CEP44: variants seen among roughly 807,000 people sequenced by gnomAD.
CEP44 encodes centrosomal protein 44, also known as centrosomal protein of 44 kDa.
In CEP44, 45 loss-of-function variants were observed where a neutral mutation model predicts 46.7. That is an observed-to-expected ratio of 0.96 (90% CI 0.76 to 1.24). The LOEUF (loss-of-function observed/expected upper bound fraction) is 1.24, where lower values mean the gene tolerates loss of function less well. CEP44 is among the 50% of genes most tolerant of loss of function. CEP44 has a pLI of 0.00. For synonymous variants in CEP44, 142 were observed against 146.0 expected (o/e 0.97, Z 0.20); for missense variants, 475 against 459.7 (o/e 1.03, Z -0.30).
At chr4:174,330,837 C>T (rs1316622067) in intron 8 of CEP44, among the ~76,000 whole-genome samples, 1 of 140,336 alleles carries the variant, frequency 7.1e-6, no homozygotes, top group Admixed American at 7.2e-5. Context: ...CAGGGGTTCT[C>T]AGAATTCATT....
At position 174,287,878 on chromosome 4, in the gene CEP44, G is replaced by A. The variant is rs1271479614; in HGVS notation, c.-148+3935G>A. 6.6e-6 allele frequency among the ~76,000 whole-genome samples: 1 copy of A among 152,200 alleles called. No homozygotes were observed. Among genetic ancestry groups the A allele is most frequent in the African/African-American group, 2.4e-5 (1 of 41,456 alleles). Reference sequence around the variant, plus strand: ...AGTAATACCAGGTATAGACAAGAATGTAGTATTTAAAGCTAATATCTGAAA... The same window carrying A: ...AGTAATACCAGGTATAGACAAGAATATAGTATTTAAAGCTAATATCTGAAA... On this transcript the variant is annotated intron_variant, in intron 1 of 11. Transcript: ENST00000503780. The surrounding 1 kb of genome is among the most constrained non-coding windows in gnomAD (Gnocchi z 5.1).
intron 9 of CEP44, 92 bp from the exon 10 acceptor site, chr4:174,316,074 A>T (rs1484682634): frequency 2.1e-6 from 3 of 1,444,738 alleles, no homozygotes; most frequent in African/African-American, 1.4e-5. Flanking sequence ...TAATTAAAAT[A>T]GTATGTTTTT....
chr4:174,313,518 G>A (rs1329922088), intron 9 of CEP44, among the ~76,000 whole-genome samples: 1 of 152,130 alleles, frequency 6.6e-6, no homozygotes, highest in Non-Finnish European at 1.5e-5. Flanking sequence ...TTATCCCAGA[G>A]TCGTAGGAAG....
chr4:174,284,375 A>G (rs1288790357), intron 1 of CEP44: 2 of 244,246 alleles, frequency 8.2e-6, no homozygotes, highest in African/African-American at 4.4e-5. Flanking sequence ...GTTGTGACTT[A>G]GGGTTGGAAA....
rs529611077 is a variant in CEP44 at position 174,307,977 on chromosome 4, G to T, written c.508-712G>T. On this transcript the variant is annotated intron_variant, in intron 6 of 11. Transcript: ENST00000503780. ...AAATAACAGATGCTCGTGAGTTTGT[G>T]GAAGAAAAGGAACATTTATACACTG... Among the ~76,000 whole-genome samples the T allele has an allele frequency of 7.2e-5, 11 of 152,186 alleles. No individual in the cohort carries two copies. The South Asian group carries it at 2.3e-3, about 32-fold the overall frequency.
In CEP44 at chr4:174,320,308, A is replaced by G. The variant is rs1373854892; in HGVS notation, c.*2925A>G. On this transcript the variant is annotated 3_prime_UTR_variant, in exon 12 of 12. Coordinates refer to ENST00000503780, the MANE Select transcript of CEP44 (RefSeq NM_001040157.3). Reference sequence around the variant, plus strand: ...AATGTGATGTTGTAATATATTTTAAAAATAAAACTTGAAAACGTTGGGACT... The same window carrying G: ...AATGTGATGTTGTAATATATTTTAAGAATAAAACTTGAAAACGTTGGGACT... The G allele has an allele frequency of 1.0e-6, 1 of 978,380 alleles. No homozygotes were observed. The highest frequency in any genetic ancestry group is 1.2e-6 in the Non-Finnish European group (1 of 823,748). 60.6% of individuals were successfully genotyped at this position (978,380 alleles called of 1,614,324 possible).
chr4:174,299,218 A>G lies in CEP44; in HGVS notation c.89+8A>G. Reference sequence around the variant, plus strand: ...AGAGGTGGACTGTGTAGGGTAAGCTATAATATCAAACTTAATTGTATTCTT... The same window carrying G: ...AGAGGTGGACTGTGTAGGGTAAGCTGTAATATCAAACTTAATTGTATTCTT... On this transcript the variant is annotated splice_region_variant and intron_variant, in intron 3 of 11. Transcript: ENST00000503780. The G allele has an allele frequency of 1.3e-6, 2 of 1,593,492 alleles. No homozygotes were observed. Among genetic ancestry groups the G allele is most frequent in the South Asian group, 1.1e-5 (1 of 88,228 alleles).
chr4:174,313,076 A>G (rs1741265334), intron 9 of CEP44, among the ~76,000 whole-genome samples: 1 of 152,108 alleles, frequency 6.6e-6, no homozygotes, highest in South Asian at 2.1e-4. Context: ...ATTGATGGTA[A>G]GAATGAAATT....
rs1739761319 is a variant in CEP44, at chr4:174,301,927, TGTTAA to T, written c.90-108_90-104del. On this transcript the variant is annotated intron_variant, in intron 3 of 11. Transcript: ENST00000503780. The surrounding 1 kb of genome is among the most constrained non-coding windows in gnomAD (Gnocchi z 4.3). ...TATCACCTAATTATTATAGCTATAG[TGTTAA>T]GTTTTAAATTATTATAAACATTTCT... 2 of 900,638 alleles carry T rather than the reference TGTTAA, an allele frequency of 2.2e-6. No individual in the cohort carries two copies. Among genetic ancestry groups the T allele is most frequent in the African/African-American group, 3.4e-5 (2 of 58,964 alleles). The allele number at this position is 900,638 out of a possible 1,614,324, so 55.8% of individuals were successfully genotyped here.
At chr4:174,306,286 T>C (rs1740391947) in intron 6 of CEP44, among the ~76,000 whole-genome samples, 1 of 152,174 alleles carries the variant, frequency 6.6e-6, no homozygotes, top group African/African-American at 2.4e-5. Context: ...TCTAATAAAT[T>C]GCAGTTTGTT....
intron 10 of CEP44, 118 bp from the exon 11 acceptor site, chr4:174,316,412 T>C: frequency 7.3e-7 from 1 of 1,379,004 alleles, no homozygotes; most frequent in Admixed American, 1.9e-5. Context: ...CAAAATTCTT[T>C]CATAAGTAAA....
At position 174,295,541 on chromosome 4, in the gene CEP44, C is replaced by T. The variant is rs539719857; in HGVS notation, c.-147-2425C>T. 1.3e-3 allele frequency among the ~76,000 whole-genome samples: 178 copies of T among 139,682 alleles called. 2 individuals carry two copies. The highest frequency in any genetic ancestry group is 4.6e-3 in the African/African-American group (169 of 37,108). The allele number at this position is 139,682 out of a possible 152,430, so 91.6% of individuals were successfully genotyped here. A position where few individuals can be genotyped will look rare whatever the true frequency, so the allele number is the denominator to read the frequency against. On this transcript the variant is annotated intron_variant, in intron 1 of 11. Transcript: ENST00000503780. Reference sequence around the variant, plus strand: ...GCAGAGGGGCTCCTCACGTCCCAGACGATGGGCGGCCAGGCAGAGACGCTC... The same window carrying T: ...GCAGAGGGGCTCCTCACGTCCCAGATGATGGGCGGCCAGGCAGAGACGCTC...
At chr4:174,315,174 G>T (rs996253849) in intron 9 of CEP44, among the ~76,000 whole-genome samples, 2 of 151,734 alleles carry the variant, frequency 1.3e-5, no homozygotes, top group Non-Finnish European at 2.9e-5. Context: ...AATTAAGGTT[G>T]TCTGTGTAGG....
chr4:174,320,628 C>T (rs111631939), downstream of CEP44, among the ~76,000 whole-genome samples: 5 of 98,042 alleles, frequency 5.1e-5, no homozygotes, highest in African/African-American at 1.9e-4. Context: ...TAAACAAAGG[C>T]TTGAAAGGAA....
At chr4:174,291,576 C>T (rs1401524734) in intron 1 of CEP44, among the ~76,000 whole-genome samples, 1 of 151,970 alleles carries the variant, frequency 6.6e-6, no homozygotes, top group African/African-American at 2.4e-5. Flanking sequence ...TTCAGTATTG[C>T]AATATTCCAT....
Position 174,329,706 on chromosome 4 carries a change from G to A in CEP44, c.1087-1776G>A, listed in dbSNP as rs1731212937. 6.6e-6 allele frequency among the ~76,000 whole-genome samples: 1 copy of A among 151,894 alleles called. No homozygotes were observed. The highest frequency in any genetic ancestry group is 1.5e-5 in the Non-Finnish European group (1 of 67,964). ...TTTAGAGAAAGGATAAGACTGTTTGGATTATGTTCTTCTCTAATTTAGTTA... is the reference window on the plus strand; with the variant it reads ...TTTAGAGAAAGGATAAGACTGTTTGAATTATGTTCTTCTCTAATTTAGTTA... On this transcript the variant is annotated intron_variant, in intron 8 of 8. Coordinates refer to the CEP44 transcript ENST00000426172. The surrounding 1 kb of genome is among the most constrained non-coding windows in gnomAD (Gnocchi z 4.0).
rs1368798939 is a variant in CEP44 at position 174,286,307 on chromosome 4, GA to G, written c.-148+2367del. Among the ~76,000 whole-genome samples, 1 of 152,198 alleles carries G rather than the reference GA, an allele frequency of 6.6e-6. No homozygotes were observed. Among genetic ancestry groups the G allele is most frequent in the Non-Finnish European group, 1.5e-5 (1 of 68,040 alleles). On this transcript the variant is annotated intron_variant, in intron 1 of 11. Coordinates refer to ENST00000503780, the MANE Select transcript of CEP44 (RefSeq NM_001040157.3). The surrounding 1 kb of genome is among the most constrained non-coding windows in gnomAD (Gnocchi z 5.2). ...TTACCTTTCCTTATTTAAAGATAGA[GA>G]AACGGTGTGTAAAGGGATGATTTGT...
chr4:174,291,787 CTTTTTTTTTTTTT>C (rs56201469), intron 1 of CEP44, among the ~76,000 whole-genome samples: 2 of 46,394 alleles, frequency 4.3e-5, no homozygotes, highest in East Asian at 8.8e-4. Context: ...TTTTTCTTTT[CTTTTTTTTTTTTT>C]TTTTTTTTTT....
At chr4:174,323,752 T>C (rs1742476047), downstream of CEP44, among the ~76,000 whole-genome samples, 1 of 152,164 alleles carries the variant, frequency 6.6e-6, no homozygotes, top group African/African-American at 2.4e-5. Context: ...GTTGGCACAA[T>C]CTGAGGGTGG....
Sources: gnomAD v4.1 joint callset for allele counts (sites outside exome capture counted in the v4.1 genomes callset) on GRCh38, gnomAD v4.1.1 for gene constraint, Gnocchi (gnomAD v3.1) non-coding constraint, MANE v1.5 for transcripts, NCBI Gene and HGNC (gene_info 2026-07-23, HGNC 2026-07-21) for gene names.